The following LMNB1 variants were observed in gnomAD, a reference collection of about 807,000 sequenced individuals.
LMNB1 encodes the protein lamin-B1.
LMNB1 carries 23 observed loss-of-function variants against 67.1 expected under a neutral mutation model. The observed-to-expected ratio is 0.34, with a 90% confidence interval of 0.25 to 0.49. The LOEUF is 0.49. Ranked by LOEUF, LMNB1 falls within the 20% of genes least tolerant of loss-of-function variation. The pLI, the probability that LMNB1 is intolerant of heterozygous loss-of-function variation, is 0.99. For synonymous variants in LMNB1, 281 were observed against 282.9 expected, an observed-to-expected ratio of 0.99 and a Z score of 0.07; for missense variants, 634 against 746.5, an observed-to-expected ratio of 0.85 and a Z score of 1.76.
intron 1 of LMNB1, among the ~76,000 whole-genome samples, chr5:126,780,693 T>C (rs776232135): frequency 6.6e-6 from 1 of 152,222 alleles, no homozygotes; most frequent in Non-Finnish European, 1.5e-5. Context: ...TTTTCTTAAG[T>C]CTGTGCTACT....
intron 1 of LMNB1, among the ~76,000 whole-genome samples, chr5:126,797,092 C>G (rs1301245363): frequency 6.6e-6 from 1 of 152,088 alleles, no homozygotes; most frequent in East Asian, 1.9e-4. Context: ...CCCAGCCTGG[C>G]TAATTTTCTT....
chr5:126,778,327 G>A (rs1196539233), intron 1 of LMNB1, among the ~76,000 whole-genome samples: 11 of 152,194 alleles, frequency 7.2e-5, no homozygotes, highest in Admixed American at 7.2e-4. Context: ...GGCGGCCGGG[G>A]AGGACTGGCA....
At chr5:126,797,118 C>G (rs1380198080) in intron 1 of LMNB1, among the ~76,000 whole-genome samples, 1 of 152,156 alleles carries the variant, frequency 6.6e-6, no homozygotes, top group African/African-American at 2.4e-5. Flanking sequence ...TGGCCAGATA[C>G]TTGATTACAC....
chr5:126,780,716 C>T (rs1182709583), intron 1 of LMNB1, among the ~76,000 whole-genome samples: 1 of 152,094 alleles, frequency 6.6e-6, no homozygotes, highest in Non-Finnish European at 1.5e-5. Context: ...ATGTATATTC[C>T]TATTGCCAGG....
Position 126,777,856 on chromosome 5 carries a change from G to T in LMNB1, c.348G>T (p.Gln116His). The change falls in exon 1 of 11, where the codon CAG becomes CAT. Residue 116 changes from glutamine (Q) to histidine (H), a missense_variant. Gln to His is a conservative substitution (Grantham distance 24). Coordinates refer to ENST00000261366, the MANE Select transcript of LMNB1 (RefSeq NM_005573.4). ...ELGKCKAEHDQLLLNYAKKES... is the reference protein window; with the variant it reads ...ELGKCKAEHDHLLLNYAKKES... ...GCAAGTGCAAGGCGGAACACGACCA[G>T]CTGCTCCTCAAGTGAGTGCTAGCTG... The T allele has an allele frequency of 7.0e-7, 1 of 1,434,556 alleles. No homozygotes were observed. The allele number at this position is 1,434,556 out of a possible 1,614,324, so 88.9% of individuals were successfully genotyped here.
At position 126,795,933 on chromosome 5, in the gene LMNB1, CT is replaced by C. The variant is rs70997314; in HGVS notation, c.360-8827del. Among the ~76,000 whole-genome samples the C allele has an allele frequency of 2.9e-3, 242 of 82,094 alleles. 6 individuals carry two copies. Among genetic ancestry groups the C allele is most frequent in the African/African-American group, 7.6e-3 (168 of 22,172 alleles). 53.9% of individuals were successfully genotyped at this position (82,094 alleles called of 152,430 possible). On this transcript the variant is annotated intron_variant, in intron 1 of 10. Coordinates refer to ENST00000261366, the MANE Select transcript of LMNB1 (RefSeq NM_005573.4). ...GAGCCACTGCGCCTGGCCCAGGATG[CT>C]TTTTTTTTTTTTTTTGAGACGGAGT...
chr5:126,798,135 AAAC>A (rs893591730), intron 1 of LMNB1, among the ~76,000 whole-genome samples: 1 of 50,684 alleles, frequency 2.0e-5, no homozygotes, highest in Non-Finnish European at 4.5e-5. Context: ...GACCGTCTCA[AAAC>A]AAACAAACAA....
intron 1 of LMNB1, among the ~76,000 whole-genome samples, chr5:126,795,711 C>T (rs1751070428): frequency 1.3e-5 from 2 of 150,760 alleles, no homozygotes. Flanking sequence ...GCAACCTCTG[C>T]CCCCCCGGGT....
chr5:126,785,867 A>G (rs1750767886), intron 1 of LMNB1, among the ~76,000 whole-genome samples: 1 of 151,714 alleles, frequency 6.6e-6, no homozygotes, highest in Non-Finnish European at 1.5e-5. Flanking sequence ...TACAAAAATT[A>G]GCCGGGCATG....
At chr5:126,797,180 ATT>A in intron 1 of LMNB1, among the ~76,000 whole-genome samples, 1 of 152,356 alleles carries the variant, frequency 6.6e-6, no homozygotes, top group South Asian at 2.1e-4. Context: ...ATGAAAGCTA[ATT>A]TGGTTTATTA....
At chr5:126,831,860 C>T (rs1483883799) in intron 9 of LMNB1, among the ~76,000 whole-genome samples, 2 of 152,154 alleles carry the variant, frequency 1.3e-5, no homozygotes, top group African/African-American at 2.4e-5. Flanking sequence ...AGTACTTCCT[C>T]CCCTGCAGGA....
chr5:126,778,747 C>G (rs1362784009), intron 1 of LMNB1, among the ~76,000 whole-genome samples: 1 of 152,114 alleles, frequency 6.6e-6, no homozygotes, highest in Non-Finnish European at 1.5e-5. Flanking sequence ...TATAGTCAGG[C>G]TTTCGGGTAG....
rs11738640 is a variant in LMNB1 at position 126,821,000 on chromosome 5, G to A, written c.1251G>A (p.Lys417=). The A allele has an allele frequency of 2.5e-6, 4 of 1,614,002 alleles. No homozygotes were observed. The highest frequency in any genetic ancestry group is 3.4e-6 in the Non-Finnish European group (4 of 1,179,880). ...RSVRTTRGKR[K]RVDVEESEAS... ...TACGTACAACTAGAGGAAAGCGGAA[G>A]AGGGTTGATGTGGAAGAATCAGAGG... is the stretch of plus-strand genomic sequence containing the variant. Residue 417 remains lysine (K), a synonymous_variant, in exon 7 of 11, where the codon AAG becomes AAA. Coordinates refer to ENST00000261366, the MANE Select transcript of LMNB1 (RefSeq NM_005573.4).
At chr5:126,788,879 GA>G (rs1476272449) in intron 1 of LMNB1, among the ~76,000 whole-genome samples, 1 of 146,976 alleles carries the variant, frequency 6.8e-6, no homozygotes, top group Non-Finnish European at 1.5e-5. Flanking sequence ...TGAAGGGAAG[GA>G]GACAAGTTTT....
chr5:126,782,887 C>T (rs1750667426), intron 1 of LMNB1, among the ~76,000 whole-genome samples: 1 of 151,684 alleles, frequency 6.6e-6, no homozygotes, highest in Non-Finnish European at 1.5e-5. Flanking sequence ...TTTCTTTGTA[C>T]ATAGGATGAT....
Position 126,826,974 on chromosome 5 carries a change from GGCTT to G in LMNB1, c.1611+870_1611+873del, listed in dbSNP as rs560003695. ...TTGCCTACCAGGAGAGCTGTAAGTT[GGCTT>G]GCAAGGAAGCCATTGGTCATAACCT... On this transcript the variant is annotated intron_variant, in intron 9 of 10. Coordinates refer to ENST00000261366, the MANE Select transcript of LMNB1 (RefSeq NM_005573.4). Among the ~76,000 whole-genome samples the G allele has an allele frequency of 1.5e-3, 228 of 152,208 alleles. No individual in the cohort carries two copies. The Middle Eastern group carries it at 0.024, about 16-fold the overall frequency.
chr5:126,798,762 AG>A lies in LMNB1; in HGVS notation c.360-6013del, dbSNP rs1346572028. 1.1e-3 allele frequency among the ~76,000 whole-genome samples: 164 copies of A among 149,180 alleles called. 2 individuals are homozygous for A. Among genetic ancestry groups the A allele is most frequent in the African/African-American group, 3.8e-3 (155 of 40,646 alleles). On this transcript the variant is annotated intron_variant, in intron 1 of 10. Transcript: ENST00000261366. ...ATTTTACATAGGATGAAAAAAGAGA[AG>A]TGTGTGTGTGTGTGTGTGTGTGCGT...
At chr5:126,792,168 A>G (rs1750977357) in intron 1 of LMNB1, among the ~76,000 whole-genome samples, 1 of 135,782 alleles carries the variant, frequency 7.4e-6, no homozygotes, top group Non-Finnish European at 1.6e-5. Context: ...TTGGAGACAG[A>G]GTCTTACTCT....
intron 1 of LMNB1, among the ~76,000 whole-genome samples, chr5:126,783,855 A>T (rs1403245471): frequency 6.6e-6 from 1 of 151,790 alleles, no homozygotes; most frequent in African/African-American, 2.4e-5. Context: ...AGTCTCTTTC[A>T]TGTACAAATG....
Sources: gnomAD v4.1 joint callset for allele counts (sites outside exome capture counted in the v4.1 genomes callset) on GRCh38, gnomAD v4.1.1 for gene constraint, MANE v1.5 for transcripts, NCBI Gene and HGNC (gene_info 2026-07-23, HGNC 2026-07-21) for gene names.